GALNTL6: variants seen among roughly 807,000 people sequenced by gnomAD.
The protein encoded by GALNTL6 is polypeptide N-acetylgalactosaminyltransferase-like 6.
A neutral mutation model predicts 73.7 loss-of-function variants in GALNTL6; 46 were observed. The observed-to-expected ratio is 0.62, with a 90% confidence interval of 0.49 to 0.80. GALNTL6 has a LOEUF of 0.80. Ranked by LOEUF, GALNTL6 falls within the 30% of genes least tolerant of loss-of-function variation. The probability of loss-of-function intolerance (pLI) is 0.00; values close to 1 mark genes in which losing one functional copy is unlikely to be tolerated. For missense variants in GALNTL6, 604 were observed against 755.0 expected, an observed-to-expected ratio of 0.80 and a Z score of 2.34; for synonymous variants, 259 against 263.7, an observed-to-expected ratio of 0.98 and a Z score of 0.17.
At chr4:172,998,555 T>A (rs1371124998) in intron 10 of GALNTL6, among the ~76,000 whole-genome samples, 1 of 152,194 alleles carries the variant, frequency 6.6e-6, no homozygotes, top group Non-Finnish European at 1.5e-5. Context: ...CTTCCATTTT[T>A]TTCTCAGTCC....
chr4:172,428,492 A>G (rs935479813), intron 5 of GALNTL6, among the ~76,000 whole-genome samples: 8 of 152,166 alleles, frequency 5.3e-5, no homozygotes, highest in Non-Finnish European at 8.8e-5. Flanking sequence ...AATTGCATCC[A>G]CAGATGCTTG....
intron 2 of GALNTL6, among the ~76,000 whole-genome samples, chr4:172,163,902 A>C (rs898479418): frequency 6.6e-6 from 1 of 152,074 alleles, no homozygotes; most frequent in Non-Finnish European, 1.5e-5. Context: ...TAGAAAATAT[A>C]GGAGTAATTT....
chr4:172,453,049 A>G lies in GALNTL6; in HGVS notation c.553+104360A>G, dbSNP rs151153744. On this transcript the variant is annotated intron_variant, in intron 5 of 12. Coordinates refer to ENST00000506823, the MANE Select transcript of GALNTL6 (RefSeq NM_001034845.3). ...AAACCACATCTCTACTAAAAATACAAAACTACCTGGGCGTGGTGGTACACA... is the reference window on the plus strand; with the variant it reads ...AAACCACATCTCTACTAAAAATACAGAACTACCTGGGCGTGGTGGTACACA... Among the ~76,000 whole-genome samples the G allele has an allele frequency of 3.9e-5, 6 of 152,284 alleles. No homozygotes were observed. In the East Asian group the frequency reaches 7.7e-4, roughly 20 times the overall value.
chr4:172,904,532 G>C (rs1477294888), intron 8 of GALNTL6, among the ~76,000 whole-genome samples: 2 of 152,160 alleles, frequency 1.3e-5, no homozygotes, highest in African/African-American at 4.8e-5. Context: ...TCTGTCCAGG[G>C]GGCTTACAGG....
chr4:172,533,116 A>T (rs1165977195), intron 5 of GALNTL6, among the ~76,000 whole-genome samples: 1 of 151,540 alleles, frequency 6.6e-6, no homozygotes, highest in Non-Finnish European at 1.5e-5. Flanking sequence ...GGTTCAAGCA[A>T]TTCTCCTGCC....
intron 2 of GALNTL6, among the ~76,000 whole-genome samples, chr4:172,145,130 T>C (rs1396192974): frequency 6.6e-6 from 1 of 151,752 alleles, no homozygotes; most frequent in African/African-American, 2.4e-5. Context: ...GTTAATTTAT[T>C]ATTATTATTA....
chr4:172,002,660 G>T (rs1740714049), intron 2 of GALNTL6, among the ~76,000 whole-genome samples: 1 of 152,020 alleles, frequency 6.6e-6, no homozygotes, highest in African/African-American at 2.4e-5. Context: ...ACAGTCTTGG[G>T]TTCGGTTCAA....
intron 2 of GALNTL6, among the ~76,000 whole-genome samples, chr4:171,988,823 G>A (rs561022263): frequency 1.6e-4 from 24 of 152,054 alleles, no homozygotes; most frequent in Non-Finnish European, 3.2e-4. Context: ...GGATGGTAAG[G>A]GGGGCATGAT....
intron 5 of GALNTL6, among the ~76,000 whole-genome samples, chr4:172,559,642 T>G (rs553887370): frequency 6.6e-6 from 1 of 152,336 alleles, no homozygotes; most frequent in South Asian, 2.1e-4. Context: ...GTGTAGTATT[T>G]TTCATATAGT....
At chr4:172,735,139 C>G (rs552422915) in intron 5 of GALNTL6, among the ~76,000 whole-genome samples, 8 of 152,262 alleles carry the variant, frequency 5.3e-5, no homozygotes, top group Non-Finnish European at 1.2e-4. Flanking sequence ...AATAGTAGAT[C>G]CATTGACAGC....
intron 5 of GALNTL6, among the ~76,000 whole-genome samples, chr4:172,677,689 G>A (rs766661671): frequency 2.4e-4 from 37 of 151,998 alleles, no homozygotes; most frequent in Non-Finnish European, 5.1e-4. Context: ...TTGGGAGGCC[G>A]AGGCAGGAGC....
intron 5 of GALNTL6, among the ~76,000 whole-genome samples, chr4:172,587,624 A>G (rs1337246760): frequency 1.3e-5 from 2 of 152,190 alleles, no homozygotes; most frequent in Admixed American, 6.5e-5. Context: ...GCATTTCCTC[A>G]GTAGCCTATG....
chr4:172,445,333 GA>G (rs1731980865), intron 5 of GALNTL6, among the ~76,000 whole-genome samples: 1 of 152,086 alleles, frequency 6.6e-6, no homozygotes, highest in Non-Finnish European at 1.5e-5. Context: ...TGAAATAATA[GA>G]AGAAAAAACT....
intron 4 of GALNTL6, among the ~76,000 whole-genome samples, chr4:172,343,815 C>T (rs777255152): frequency 2.0e-5 from 3 of 151,938 alleles, no homozygotes; most frequent in Admixed American, 6.5e-5. Context: ...AATGCCTTCA[C>T]GACTTGTCAT....
chr4:172,240,865 T>C (rs1326804600), intron 3 of GALNTL6, among the ~76,000 whole-genome samples: 1 of 152,216 alleles, frequency 6.6e-6, no homozygotes, highest in Non-Finnish European at 1.5e-5. Flanking sequence ...TTAAGAATCC[T>C]TGCTGGGAAA....
chr4:171,964,541 G>T (rs1329414879), intron 2 of GALNTL6, among the ~76,000 whole-genome samples: 3 of 152,010 alleles, frequency 2.0e-5, no homozygotes, highest in Non-Finnish European at 2.9e-5. Flanking sequence ...GCTCCAGCCT[G>T]GTTTTAAAAG....
intron 4 of GALNTL6, among the ~76,000 whole-genome samples, chr4:172,344,994 G>A (rs533050467): frequency 2.6e-5 from 4 of 152,026 alleles, no homozygotes; most frequent in South Asian, 4.2e-4. Context: ...AATAATGACA[G>A]TATTTATTAA....
chr4:171,950,143 G>A (rs568878096), intron 2 of GALNTL6, among the ~76,000 whole-genome samples: 2 of 152,132 alleles, frequency 1.3e-5, no homozygotes, highest in African/African-American at 4.8e-5. Flanking sequence ...GAATTGATTG[G>A]AATATTGTCT....
intron 9 of GALNTL6, among the ~76,000 whole-genome samples, chr4:172,945,843 T>C (rs1429459606): frequency 6.6e-6 from 1 of 152,102 alleles, no homozygotes; most frequent in Non-Finnish European, 1.5e-5. Flanking sequence ...TGAATAATTG[T>C]AGTGAGGTTG....
Sources: allele counts gnomAD v4.1 joint callset (sites outside exome capture counted in the v4.1 genomes callset), GRCh38; gene constraint gnomAD v4.1.1; transcripts MANE v1.5; gene names NCBI Gene and HGNC (gene_info 2026-07-23, HGNC 2026-07-21).